The following GABBR2 variants were observed in gnomAD, a reference collection of about 807,000 sequenced individuals.
GABBR2 encodes gamma-aminobutyric acid type B receptor subunit 2.
In GABBR2, 23 loss-of-function variants were observed where a neutral mutation model predicts 105.6. The observed-to-expected ratio is 0.22, with a 90% confidence interval of 0.16 to 0.31. The LOEUF is 0.31. GABBR2 is among the 10% of genes least tolerant of loss of function. The probability of loss-of-function intolerance (pLI) is 1.00; values close to 1 mark genes in which losing one functional copy is unlikely to be tolerated. For synonymous variants in GABBR2, 478 were observed against 499.7 expected (o/e 0.96, Z 0.58); for missense variants, 734 against 1,245.5 (o/e 0.59, Z 6.18).
intron 11 of GABBR2, among the ~76,000 whole-genome samples, chr9:98,384,936 G>GA (rs986028497): frequency 6.6e-6 from 1 of 152,084 alleles, no homozygotes; most frequent in Non-Finnish European, 1.5e-5. Flanking sequence ...GAACAATAAG[G>GA]AAAAAACCGT....
intron 7 of GABBR2, among the ~76,000 whole-genome samples, chr9:98,425,734 G>T (rs145118281): frequency 9.2e-5 from 14 of 152,296 alleles, no homozygotes; most frequent in African/African-American, 2.9e-4. Flanking sequence ...CTATGACTTT[G>T]AGTGGCAGAG....
chr9:98,643,671 T>C (rs1417362394), intron 1 of GABBR2, among the ~76,000 whole-genome samples: 2 of 152,250 alleles, frequency 1.3e-5, no homozygotes, highest in Non-Finnish European at 2.9e-5. Flanking sequence ...ACTGCCCTTC[T>C]TCCACCCTTA....
intron 1 of GABBR2, among the ~76,000 whole-genome samples, chr9:98,701,979 C>T (rs1032875862): frequency 3.9e-5 from 6 of 152,086 alleles, no homozygotes; most frequent in East Asian, 1.9e-4. Flanking sequence ...CGCAGTGTGC[C>T]GATCATTGAT....
intron 1 of GABBR2, among the ~76,000 whole-genome samples, chr9:98,645,218 G>A (rs1316911591): frequency 1.3e-5 from 2 of 152,190 alleles, no homozygotes; most frequent in African/African-American, 2.4e-5. Context: ...CAGGCAAAGT[G>A]CAGCCCAAGG....
At chr9:98,504,894 A>T (rs1827473718) in intron 3 of GABBR2, among the ~76,000 whole-genome samples, 1 of 152,302 alleles carries the variant, frequency 6.6e-6, no homozygotes, top group East Asian at 1.9e-4. Flanking sequence ...CTGGGGCTGG[A>T]GCTCCCCAGG....
Position 98,454,051 on chromosome 9 carries a change from T to C in GABBR2, c.1166A>G (p.Asn389Ser). 2 of 1,614,238 alleles carry C rather than the reference T, an allele frequency of 1.2e-6. No homozygotes were observed. The highest frequency in any genetic ancestry group is 1.7e-6 in the Non-Finnish European group (2 of 1,180,034). ...CCTGCCCAGCGTGTGGTCCGTGTAGTTGAAGTCCTGGATCCGCTGGTGCCG... is the reference window on the plus strand; with the variant it reads ...CCTGCCCAGCGTGTGGTCCGTGTAGCTGAAGTCCTGGATCCGCTGGTGCCG... ...SSRHQRIQDFNYTDHTLGRII... is the reference protein window; with the variant it reads ...SSRHQRIQDFSYTDHTLGRII... Residue 389 changes from asparagine (N) to serine (S), a missense_variant, in exon 7 of 19, where the codon AAC becomes AGC. Coordinates refer to ENST00000259455, the MANE Select transcript of GABBR2 (RefSeq NM_005458.8). The surrounding 1 kb of genome is among the most constrained non-coding windows in gnomAD (Gnocchi z 4.6).
intron 3 of GABBR2, among the ~76,000 whole-genome samples, chr9:98,528,282 G>A (rs1028383480): frequency 5.9e-5 from 9 of 152,040 alleles, no homozygotes; most frequent in African/African-American, 2.2e-4. Flanking sequence ...GAAAAATTGA[G>A]TGACTATAAT....
intron 14 of GABBR2, among the ~76,000 whole-genome samples, chr9:98,308,950 T>C (rs1309820966): frequency 1.3e-5 from 2 of 152,034 alleles, no homozygotes; most frequent in Non-Finnish European, 2.9e-5. Context: ...AGTTAGTCAA[T>C]GAATGCTTTG....
chr9:98,689,663 C>T (rs955076918), intron 1 of GABBR2, among the ~76,000 whole-genome samples: 2 of 152,172 alleles, frequency 1.3e-5, no homozygotes, highest in Non-Finnish European at 2.9e-5. Context: ...CTATCCCCGA[C>T]GTCTCTGACC....
intron 7 of GABBR2, among the ~76,000 whole-genome samples, chr9:98,434,462 G>A (rs1226512098): frequency 1.3e-5 from 2 of 152,200 alleles, no homozygotes; most frequent in Non-Finnish European, 1.5e-5. Context: ...GGTCTCTGAA[G>A]GGGAGAAGAA....
At chr9:98,661,418 C>G (rs1026712110) in intron 1 of GABBR2, among the ~76,000 whole-genome samples, 1 of 150,658 alleles carries the variant, frequency 6.6e-6, no homozygotes, top group Non-Finnish European at 1.5e-5. Context: ...CCCACCCCCC[C>G]GATATGGAGT....
At chr9:98,372,067 C>T (rs955577276) in intron 11 of GABBR2, among the ~76,000 whole-genome samples, 1 of 152,218 alleles carries the variant, frequency 6.6e-6, no homozygotes, top group African/African-American at 2.4e-5. Flanking sequence ...GACCTTGGTC[C>T]CTGCTCAGGA....
At chr9:98,296,093 T>C (rs977736177) in intron 17 of GABBR2, among the ~76,000 whole-genome samples, 11 of 152,228 alleles carry the variant, frequency 7.2e-5, no homozygotes, top group African/African-American at 2.7e-4. Flanking sequence ...TGAAACTGAA[T>C]GACCAATGTG....
intron 7 of GABBR2, among the ~76,000 whole-genome samples, chr9:98,415,779 T>C (rs946953713): frequency 3.3e-5 from 5 of 152,330 alleles, no homozygotes; most frequent in Admixed American, 3.3e-4. Context: ...GGACTTTGCC[T>C]AGGGTCACAT....
At chr9:98,617,789 T>C (rs1372994665) in intron 1 of GABBR2, among the ~76,000 whole-genome samples, 1 of 152,126 alleles carries the variant, frequency 6.6e-6, no homozygotes, top group Admixed American at 6.5e-5. Context: ...CAGAGACAAG[T>C]TCACTGTGGA....
chr9:98,358,351 T>C (rs1478875873), intron 13 of GABBR2, among the ~76,000 whole-genome samples: 1 of 152,252 alleles, frequency 6.6e-6, no homozygotes, highest in African/African-American at 2.4e-5. Context: ...GCCTGTGTCC[T>C]CTCAGCACTT....
At chr9:98,668,883 T>TTGTGTG (rs35341252) in intron 1 of GABBR2, among the ~76,000 whole-genome samples, 357 of 147,708 alleles carry the variant, frequency 2.4e-3, no homozygotes, top group East Asian at 8.6e-3. Context: ...ATATTCCATT[T>TTGTGTG]TGTGTGTGTG....
chr9:98,541,821 G>A, intron 3 of GABBR2, 52 bp downstream of exon 3: 2 of 1,562,700 alleles, frequency 1.3e-6, no homozygotes, highest in Non-Finnish European at 1.8e-6. Context: ...CCTTTTGCTA[G>A]ATGACAGCAG....
intron 3 of GABBR2, among the ~76,000 whole-genome samples, chr9:98,525,312 AAGAC>A (rs1355955681): frequency 6.6e-6 from 1 of 152,240 alleles, no homozygotes; most frequent in Non-Finnish European, 1.5e-5. Flanking sequence ...CAATAACAAA[AAGAC>A]AAACAACCCA....
Sources: gnomAD v4.1 joint callset for allele counts (sites outside exome capture counted in the v4.1 genomes callset) on GRCh38, gnomAD v4.1.1 for gene constraint, Gnocchi (gnomAD v3.1) non-coding constraint, MANE v1.5 for transcripts, NCBI Gene and HGNC (gene_info 2026-07-23, HGNC 2026-07-21) for gene names.